RBFOX3: variants seen among roughly 807,000 people sequenced by gnomAD.
RBFOX3 encodes RNA binding protein fox-1 homolog 3.
Under a neutral mutation model 48.7 loss-of-function variants are expected in RBFOX3, and 17 were observed. That is an observed-to-expected ratio of 0.35 (90% CI 0.24 to 0.52). The LOEUF is 0.52. Ranked by LOEUF, RBFOX3 falls within the 20% of genes least tolerant of loss-of-function variation. The pLI is 0.94. For missense variants in RBFOX3, 382 were observed against 497.5 expected, an observed-to-expected ratio of 0.77 and a Z score of 2.21; for synonymous variants, 212 against 209.5, an observed-to-expected ratio of 1.01 and a Z score of -0.10.
the RBFOX3 span, among the ~76,000 whole-genome samples, chr17:79,646,396 G>A: frequency 6.6e-6 from 1 of 152,184 alleles, no homozygotes; most frequent in African/African-American, 2.4e-5. Context: ...TACAGACTGG[G>A]TAATTGATAA....
intron 3 of RBFOX3, among the ~76,000 whole-genome samples, chr17:79,244,629 T>C (rs2062869069): frequency 6.6e-6 from 1 of 152,110 alleles, no homozygotes; most frequent in Non-Finnish European, 1.5e-5. Flanking sequence ...CGGTCATTGC[T>C]CTTCCACGAC....
intron 2 of RBFOX3, among the ~76,000 whole-genome samples, chr17:79,431,470 C>G (rs574472090): frequency 6.7e-6 from 1 of 148,372 alleles, no homozygotes; most frequent in South Asian, 2.2e-4. Flanking sequence ...CCCCCCACCC[C>G]CCACCATGCC....
intron 2 of RBFOX3, among the ~76,000 whole-genome samples, chr17:79,441,945 C>T (rs570175767): frequency 6.6e-6 from 1 of 152,048 alleles, no homozygotes; most frequent in African/African-American, 2.4e-5. Flanking sequence ...GTCAGGAGCC[C>T]GGGCCCCGCC....
intron 1 of RBFOX3, among the ~76,000 whole-genome samples, chr17:79,579,347 G>T (rs1184518347): frequency 6.6e-6 from 1 of 152,224 alleles, no homozygotes; most frequent in Non-Finnish European, 1.5e-5. Flanking sequence ...CCACATGGGA[G>T]GCAACATCAC....
chr17:79,411,688 G>C (rs1433093726), intron 2 of RBFOX3, among the ~76,000 whole-genome samples: 2 of 152,224 alleles, frequency 1.3e-5, no homozygotes, highest in African/African-American at 4.8e-5. Context: ...CTCCCATGGT[G>C]CCTGACTTGT....
intron 3 of RBFOX3, among the ~76,000 whole-genome samples, chr17:79,278,785 T>C (rs925785074): frequency 3.3e-5 from 5 of 152,310 alleles, no homozygotes; most frequent in African/African-American, 1.2e-4. Context: ...CTTAGTGGAA[T>C]AGCCAGGGCA....
rs961595158 is a variant in RBFOX3, at chr17:79,220,518, T to A, written c.-34+15248A>T. On this transcript the variant is annotated intron_variant, in intron 4 of 14. Transcript: ENST00000693108. The surrounding 1 kb of genome is among the most constrained non-coding windows in gnomAD (Gnocchi z 5.9). ...CCCGGCACTGCCCTGTCGCAGTCAC[T>A]CCTGCTGCCTGGATCTCTGTTCAGA... Among the ~76,000 whole-genome samples, 1 of 152,044 alleles carries A rather than the reference T, an allele frequency of 6.6e-6. No individual in the cohort carries two copies.
chr17:79,228,674 G>A (rs544537585), intron 4 of RBFOX3, among the ~76,000 whole-genome samples: 19 of 152,342 alleles, frequency 1.2e-4, no homozygotes, highest in Middle Eastern at 3.4e-3. Flanking sequence ...CATCCCTGAC[G>A]TGGAGCAAAG....
At chr17:79,221,905 G>T (rs761331163) in intron 4 of RBFOX3, among the ~76,000 whole-genome samples, 4 of 152,332 alleles carry the variant, frequency 2.6e-5, no homozygotes, top group African/African-American at 9.6e-5. Context: ...AGCGGGGAAG[G>T]GTGGAGGTGC....
chr17:79,440,162 A>T (rs141518432), intron 2 of RBFOX3, among the ~76,000 whole-genome samples: 102 of 152,232 alleles, frequency 6.7e-4, no homozygotes, highest in African/African-American at 2.4e-3. Flanking sequence ...TACCGAACAG[A>T]GATAAAGCCG....
intron 2 of RBFOX3, among the ~76,000 whole-genome samples, chr17:79,384,684 G>A (rs75993753): frequency 0.026 from 3,905 of 152,312 alleles, 68 homozygotes; most frequent in East Asian, 0.083. Context: ...CAGACGGCCA[G>A]GGGTGAGGCC....
intron 4 of RBFOX3, among the ~76,000 whole-genome samples, chr17:79,190,871 C>T (rs944916850): frequency 1.5e-4 from 23 of 152,148 alleles, no homozygotes; most frequent in African/African-American, 4.8e-5. Context: ...TCTTGCATAC[C>T]GATGGGGAAC....
At chr17:79,487,778 G>A (rs2079853008) in intron 1 of RBFOX3, among the ~76,000 whole-genome samples, 1 of 151,902 alleles carries the variant, frequency 6.6e-6, no homozygotes, top group Non-Finnish European at 1.5e-5. Flanking sequence ...AGGTGTGGTG[G>A]CAGGCGCCTG....
intron 12 of RBFOX3, among the ~76,000 whole-genome samples, chr17:79,096,281 G>GGCCC (rs2075238511): frequency 6.6e-6 from 1 of 152,160 alleles, no homozygotes; most frequent in Non-Finnish European, 1.5e-5. Flanking sequence ...CCTGCCTCCT[G>GGCCC]GCCCCTCTTG....
the RBFOX3 span, among the ~76,000 whole-genome samples, chr17:79,662,711 G>A: frequency 6.6e-6 from 1 of 152,178 alleles, no homozygotes; most frequent in Non-Finnish European, 1.5e-5. Context: ...ACAAGTCTGG[G>A]TGTTAGTCTA....
chr17:79,384,275 G>T (rs568341639), intron 2 of RBFOX3, among the ~76,000 whole-genome samples: 2 of 152,300 alleles, frequency 1.3e-5, no homozygotes, highest in African/African-American at 4.8e-5. Context: ...AGGCCGCACT[G>T]CCAGGCACTC....
upstream of RBFOX3, among the ~76,000 whole-genome samples, chr17:79,612,412 G>A (rs2093975725): frequency 6.6e-6 from 1 of 152,082 alleles, no homozygotes. Context: ...AGACCCAGAG[G>A]CCAGGAAGAG....
At chr17:79,436,781 C>T (rs1248490775) in intron 2 of RBFOX3, among the ~76,000 whole-genome samples, 2 of 152,162 alleles carry the variant, frequency 1.3e-5, no homozygotes, top group African/African-American at 4.8e-5. Flanking sequence ...TCCAACGCAG[C>T]CCTGTCTCTA....
At chr17:79,589,617 TG>T (rs1475136948) in intron 1 of RBFOX3, among the ~76,000 whole-genome samples, 1 of 152,194 alleles carries the variant, frequency 6.6e-6, no homozygotes, top group East Asian at 1.9e-4. Flanking sequence ...CCCAGGCTCC[TG>T]GAGCTTCCCT....
Sources: gnomAD v4.1 joint callset for allele counts (sites outside exome capture counted in the v4.1 genomes callset) on GRCh38, gnomAD v4.1.1 for gene constraint, Gnocchi (gnomAD v3.1) non-coding constraint, MANE v1.5 for transcripts, NCBI Gene and HGNC (gene_info 2026-07-23, HGNC 2026-07-21) for gene names.